The following DNAH14 variants were observed in gnomAD, a reference collection of about 807,000 sequenced individuals.
DNAH14 encodes the protein axonemal beta dynein heavy chain 14.
In DNAH14, 478 loss-of-function variants were observed where a neutral mutation model predicts 520.9. The ratio of observed to expected loss-of-function variants is 0.92; its 90% CI spans 0.85 to 0.99. The LOEUF (loss-of-function observed/expected upper bound fraction) is 0.99. Among genes scored for constraint, DNAH14 ranks in the 50% least tolerant of loss-of-function variants. DNAH14 has a pLI of 0.00. For synonymous variants in DNAH14, 1,581 were observed against 1,757.2 expected, an observed-to-expected ratio of 0.90 and a Z score of 2.51; for missense variants, 4,831 against 5,234.5, an observed-to-expected ratio of 0.92 and a Z score of 2.38.
intron 73 of DNAH14, among the ~76,000 whole-genome samples, chr1:225,355,434 A>G (rs1442777294): frequency 6.6e-6 from 1 of 151,964 alleles, no homozygotes; most frequent in Non-Finnish European, 1.5e-5. Flanking sequence ...TTTTTAAGAG[A>G]TGAAATCTCA....
At chr1:225,043,294 A>AG (rs956000632) in intron 13 of DNAH14, among the ~76,000 whole-genome samples, 180 bp downstream of exon 13, 6 of 151,500 alleles carry the variant, frequency 4.0e-5, no homozygotes, top group African/African-American at 1.5e-4. Context: ...AAAAAAAAAA[A>AG]AAAGAATGGA....
intron 8 of DNAH14, among the ~76,000 whole-genome samples, chr1:224,985,799 TAATC>T (rs201384881): frequency 0.011 from 1,672 of 151,826 alleles, 17 homozygotes; most frequent in Non-Finnish European, 0.016. Context: ...ATAGCAGAAT[TAATC>T]AAGCAGAAGA....
chr1:225,290,949 T>C (rs983013402), intron 55 of DNAH14, among the ~76,000 whole-genome samples: 2 of 151,864 alleles, frequency 1.3e-5, no homozygotes, highest in Non-Finnish European at 2.9e-5. Flanking sequence ...CCTACAATGC[T>C]ATAGGTTAGT....
chr1:225,347,084 TA>T (rs757794598), intron 71 of DNAH14, among the ~76,000 whole-genome samples: 3 of 152,246 alleles, frequency 2.0e-5, no homozygotes, highest in Non-Finnish European at 2.9e-5. Context: ...GTTGTATTTT[TA>T]ATATGTTTAT....
At chr1:225,305,423 A>G (rs907142283) in intron 58 of DNAH14, among the ~76,000 whole-genome samples, 12 of 152,194 alleles carry the variant, frequency 7.9e-5, no homozygotes, top group African/African-American at 2.9e-4. Flanking sequence ...ACACCAAAAT[A>G]AAAGGCTTCA....
intron 66 of DNAH14, among the ~76,000 whole-genome samples, chr1:225,335,860 TATGTACATACAC>T (rs2095007024): frequency 3.2e-5 from 2 of 62,302 alleles, no homozygotes; most frequent in African/African-American, 6.7e-5. Context: ...TATGTACATA[TATGTACATACAC>T]ATATACATAT....
At chr1:225,274,299 G>C (rs1234333897) in intron 52 of DNAH14, among the ~76,000 whole-genome samples, 1 of 149,208 alleles carries the variant, frequency 6.7e-6, no homozygotes, top group Non-Finnish European at 1.5e-5. Context: ...CCGCCTTCCG[G>C]GTTCACGCCA....
At chr1:225,007,344 A>G (rs964989869) in intron 9 of DNAH14, 69 bp from the exon 10 acceptor site, 2 of 1,305,062 alleles carry the variant, frequency 1.5e-6, no homozygotes, top group Non-Finnish European at 2.0e-6. Flanking sequence ...TGAAAAGACC[A>G]AATATTTTAT....
chr1:225,044,704 A>G (rs1368381908), intron 15 of DNAH14, among the ~76,000 whole-genome samples: 7 of 152,198 alleles, frequency 4.6e-5, no homozygotes. Context: ...GCATTGTATT[A>G]TGAAGATGAA....
intron 77 of DNAH14, among the ~76,000 whole-genome samples, chr1:225,373,471 A>G (rs2095644939): frequency 1.5e-5 from 2 of 135,494 alleles, no homozygotes; most frequent in Admixed American, 7.5e-5. Flanking sequence ...CAAGAAAGGA[A>G]GGGAGGAAGG....
At chr1:225,144,954 A>T (rs1158670741) in intron 29 of DNAH14, among the ~76,000 whole-genome samples, 3 of 152,092 alleles carry the variant, frequency 2.0e-5, no homozygotes, top group Non-Finnish European at 4.4e-5. Context: ...AGAGAAAGTG[A>T]GACCGAAAGA....
At chr1:225,163,956 C>T (rs895244803) in intron 35 of DNAH14, among the ~76,000 whole-genome samples, 13 of 151,968 alleles carry the variant, frequency 8.6e-5, no homozygotes, top group African/African-American at 3.1e-4. Flanking sequence ...TCCTATATTA[C>T]CTAATAAATG....
chr1:225,302,844 C>T (rs541693089), intron 56 of DNAH14, among the ~76,000 whole-genome samples: 2 of 152,218 alleles, frequency 1.3e-5, no homozygotes, highest in South Asian at 4.2e-4. Context: ...CCACACCACC[C>T]CAGAGGAAAG....
intron 27 of DNAH14, among the ~76,000 whole-genome samples, chr1:225,127,800 G>C (rs1007505308): frequency 6.6e-6 from 1 of 152,076 alleles, no homozygotes; most frequent in African/African-American, 2.4e-5. Flanking sequence ...TTTCTTCCTA[G>C]TCTCGATGAT....
chr1:225,297,997 A>G (rs1391458251), intron 55 of DNAH14, among the ~76,000 whole-genome samples: 1 of 151,868 alleles, frequency 6.6e-6, no homozygotes, highest in Admixed American at 6.6e-5. Flanking sequence ...AAGTAAGCAC[A>G]ATATTTCTTG....
At chr1:225,070,153 C>A (rs1444382903) in intron 17 of DNAH14, among the ~76,000 whole-genome samples, 1 of 151,826 alleles carries the variant, frequency 6.6e-6, no homozygotes, top group African/African-American at 2.4e-5. Context: ...TTTCAAAAAA[C>A]CCAGCTCCTG....
rs1382573619 is a variant in DNAH14 at position 225,140,817 on chromosome 1, A to G, written c.4304A>G (p.Tyr1435Cys). 7.7e-6 allele frequency: 12 copies of G among 1,550,788 alleles called. No homozygotes were observed. The highest frequency in any genetic ancestry group is 1.0e-5 in the Non-Finnish European group (12 of 1,146,882). The change falls in exon 28 of 86, where the codon TAT becomes TGT. Residue 1435 changes from tyrosine to cysteine, a missense_variant. Physicochemically the swap from Tyr to Cys is radical, Grantham distance 194. Transcript: ENST00000682510. The part of the protein sequence containing the change: ...NDCVKSFVSS[Y>C]SREKLEKVHA... ...TGTGTTAAAAGTTTTGTGAGTTCTTATTCAAGAGAAAAATTGGAAAAAGTC... is the reference window on the plus strand; with the variant it reads ...TGTGTTAAAAGTTTTGTGAGTTCTTGTTCAAGAGAAAAATTGGAAAAAGTC...
chr1:225,220,809 A>G (rs745365782), intron 41 of DNAH14, among the ~76,000 whole-genome samples: 9 of 152,222 alleles, frequency 5.9e-5, no homozygotes, highest in Non-Finnish European at 1.3e-4. Flanking sequence ...ACTACTTTAA[A>G]TTTCACATGA....
At chr1:225,001,885 A>G (rs1036091241) in intron 8 of DNAH14, among the ~76,000 whole-genome samples, 12 of 152,038 alleles carry the variant, frequency 7.9e-5, no homozygotes, top group Non-Finnish European at 1.8e-4. Context: ...GAGTAGTTTT[A>G]TGTTATGTGA....
Sources: allele counts gnomAD v4.1 joint callset (sites outside exome capture counted in the v4.1 genomes callset), GRCh38; gene constraint gnomAD v4.1.1; transcripts MANE v1.5; gene names NCBI Gene and HGNC (gene_info 2026-07-23, HGNC 2026-07-21).